Variants in RGS9 observed in about 807,000 individuals in gnomAD.
RGS9 encodes the protein regulator of G protein signaling 9, also known as regulator of G-protein signalling 9.
A neutral mutation model predicts 102.0 loss-of-function variants in RGS9; 78 were observed. The ratio of observed to expected loss-of-function variants is 0.76; its 90% confidence interval spans 0.64 to 0.92. The LOEUF is 0.92. RGS9 is among the 40% of genes least tolerant of loss of function. The probability of loss-of-function intolerance (pLI) is 0.00; values close to 1 mark genes in which losing one functional copy is unlikely to be tolerated. For missense variants in RGS9, 833 were observed against 866.1 expected, an observed-to-expected ratio of 0.96 and a Z score of 0.48; for synonymous variants, 353 against 318.6, an observed-to-expected ratio of 1.11 and a Z score of -1.15.
chr17:65,204,068 CGA>C (rs1453389324), intron 14 of RGS9, 93 bp from the exon 15 acceptor site: 52 of 1,464,250 alleles, frequency 3.6e-5, no homozygotes, highest in Non-Finnish European at 4.8e-5. Context: ...CCTCGGTAAC[CGA>C]TTCGTATCAG....
chr17:65,183,932 A>G (rs1181212136), intron 9 of RGS9, among the ~76,000 whole-genome samples: 2 of 152,184 alleles, frequency 1.3e-5, no homozygotes, highest in African/African-American at 2.4e-5. Flanking sequence ...ATGTGTCCCT[A>G]TTTGGGCAAC....
chr17:65,193,137 G>C (rs79774695), intron 11 of RGS9, among the ~76,000 whole-genome samples: 6,507 of 150,992 alleles, frequency 0.043, 227 homozygotes, highest in African/African-American at 0.086. Context: ...CTGGCCTGGT[G>C]GTGCGCGTCT....
chr17:65,155,001 T>A (rs2143979288), intron 2 of RGS9, among the ~76,000 whole-genome samples: 1 of 152,290 alleles, frequency 6.6e-6, no homozygotes, highest in South Asian at 2.1e-4. Context: ...ACCAGCAATG[T>A]GTCACTCAGG....
Sources: allele counts gnomAD v4.1 joint callset (sites outside exome capture counted in the v4.1 genomes callset), GRCh38; gene constraint gnomAD v4.1.1; transcripts MANE v1.5; gene names NCBI Gene and HGNC (gene_info 2026-07-23, HGNC 2026-07-21).